The following SLC5A1 variants were observed in gnomAD, a reference collection of about 807,000 sequenced individuals.
The protein encoded by SLC5A1 is sodium/glucose cotransporter 1.
In SLC5A1, 42 loss-of-function variants were observed where a neutral mutation model predicts 73.5. The observed-to-expected ratio is 0.57, with a 90% confidence interval of 0.45 to 0.74. The LOEUF (loss-of-function observed/expected upper bound fraction) is 0.74. Ranked by LOEUF, SLC5A1 falls within the 30% of genes least tolerant of loss-of-function variation. The pLI is 0.00. For missense variants in SLC5A1, 634 were observed against 855.4 expected (o/e 0.74, Z 3.23); for synonymous variants, 300 against 317.4 (o/e 0.95, Z 0.58).
At chr22:32,108,702 C>A (rs2094050760) in intron 14 of SLC5A1, among the ~76,000 whole-genome samples, 1 of 152,054 alleles carries the variant, frequency 6.6e-6, no homozygotes, top group Admixed American at 6.5e-5. Flanking sequence ...CTCATTAAAT[C>A]ATTAAATTCT....
chr22:32,091,147 T>C (rs2094016556), intron 10 of SLC5A1, among the ~76,000 whole-genome samples: 2 of 148,054 alleles, frequency 1.4e-5, no homozygotes, highest in African/African-American at 4.9e-5. Flanking sequence ...AGATACATGA[T>C]TTGCACGTAT....
At chr22:32,046,635 A>G (rs759736651) in intron 1 of SLC5A1, among the ~76,000 whole-genome samples, 22 of 152,178 alleles carry the variant, frequency 1.4e-4, no homozygotes, top group Non-Finnish European at 2.5e-4. Flanking sequence ...ATTTCAGAAG[A>G]CAACAGGCCA....
chr22:32,091,819 G>T, intron 11 of SLC5A1, 57 bp downstream of exon 11: 1 of 1,582,204 alleles, frequency 6.3e-7, no homozygotes, highest in South Asian at 1.1e-5. Context: ...GGTTCCATCT[G>T]TGTTACCCCT....
At chr22:32,066,796 T>C (rs571874418) in intron 2 of SLC5A1, 139 bp from the exon 3 acceptor site, 12 of 689,492 alleles carry the variant, frequency 1.7e-5, no homozygotes, top group Non-Finnish European at 2.4e-5. Context: ...TCCCTGATGA[T>C]TCCAGCACAG....
At chr22:32,068,452 C>G in intron 4 of SLC5A1, 44 bp from the exon 5 acceptor site, 1 of 1,184,764 alleles carries the variant, frequency 8.4e-7, no homozygotes, top group Non-Finnish European at 1.3e-6. Context: ...TCTGGGCCCT[C>G]TGGTCACTGT....
At chr22:32,108,132 A>T (rs2094049678) in intron 14 of SLC5A1, among the ~76,000 whole-genome samples, 2 of 148,698 alleles carry the variant, frequency 1.3e-5, no homozygotes, top group Admixed American at 6.7e-5. Context: ...TTTGAGACAG[A>T]GTCTCACTCT....
chr22:32,043,782 T>G lies in SLC5A1; in HGVS notation c.135+366T>G, dbSNP rs1326389488. Among the ~76,000 whole-genome samples the G allele has an allele frequency of 6.6e-6, 1 of 152,150 alleles. No homozygotes were observed. The highest frequency in any genetic ancestry group is 2.4e-5 in the African/African-American group (1 of 41,426). On this transcript the variant is annotated intron_variant, in intron 1 of 14. Transcript: ENST00000266088. This position sits in a 1 kb window ranked among gnomAD's most constrained non-coding sequence, Gnocchi z 6.5. ...GGGAGATGAGCCTCTAGCAGGTGACTACTGTCCTACCTTTTAGTCATCCAG... is the reference window on the plus strand; with the variant it reads ...GGGAGATGAGCCTCTAGCAGGTGACGACTGTCCTACCTTTTAGTCATCCAG...
At chr22:32,049,091 A>AATAAAT (rs1380841063) in intron 1 of SLC5A1, among the ~76,000 whole-genome samples, 58 of 129,022 alleles carry the variant, frequency 4.5e-4, no homozygotes, top group South Asian at 1.0e-3. Flanking sequence ...TAAATAAATA[A>AATAAAT]ATATATATAT....
chr22:32,068,336 G>C (rs2093977502), intron 4 of SLC5A1, among the ~76,000 whole-genome samples, 160 bp from the exon 5 acceptor site: 1 of 152,170 alleles, frequency 6.6e-6, no homozygotes, highest in South Asian at 2.1e-4. Flanking sequence ...CTGGAGGTCA[G>C]GGGCCATCTG....
chr22:32,099,409 G>T, intron 12 of SLC5A1, 58 bp downstream of exon 12: 1 of 1,463,084 alleles, frequency 6.8e-7, no homozygotes. Context: ...TTTCCATGTG[G>T]GTTTGCATAT....
chr22:32,066,966 G>C lies in SLC5A1; in HGVS notation c.239G>C (p.Gly80Ala). The change falls in exon 3 of 15, where the codon GGA (glycine) becomes GCA (alanine). Residue 80 changes from glycine (G) to alanine (A), a missense_variant. Transcript: ENST00000266088. Reference protein sequence around the residue: ...IGASLFASNIGSGHFVGLAGT... With the variant: ...IGASLFASNIASGHFVGLAGT... ...GCCTCCCTCTTTGCTAGTAACATTGGAAGTGGCCACTTTGTGGGGCTGGCC... is the reference window on the plus strand; with the variant it reads ...GCCTCCCTCTTTGCTAGTAACATTGCAAGTGGCCACTTTGTGGGGCTGGCC... The C allele has an allele frequency of 2.5e-6, 4 of 1,613,772 alleles. No homozygotes were observed. The highest frequency in any genetic ancestry group is 1.3e-5 in the African/African-American group (1 of 75,036).
intron 6 of SLC5A1, among the ~76,000 whole-genome samples, chr22:32,082,862 C>T (rs1016323625): frequency 6.6e-6 from 1 of 152,312 alleles, no homozygotes; most frequent in African/African-American, 2.4e-5. Context: ...GAGAAACATT[C>T]GCCACTTCTA....
chr22:32,096,923 C>G (rs763569059), intron 11 of SLC5A1, among the ~76,000 whole-genome samples: 30 of 152,170 alleles, frequency 2.0e-4, no homozygotes, highest in Non-Finnish European at 3.5e-4. Flanking sequence ...TGACAAGATA[C>G]CTGGCACCCA....
rs1203557575 is a variant in SLC5A1, at chr22:32,050,007, G to C, written c.200G>C (p.Trp67Ser). ...TTCCTGGCAGGCCGAAGTATGGTGT[G>C]GTGGCCGGTAAGTTTTCTCTGAAAT... ...GFFLAGRSMV[W>S]WPIGASLFAS... is the part of the protein sequence containing the mutation. Residue 67 changes from tryptophan (W) to serine (S), a missense_variant, in exon 2 of 15, where the codon TGG becomes TCG. This residue lies in a region of SLC5A1 where 422 missense variants were observed against 626.1 expected (regional missense o/e 0.67). Transcript: ENST00000266088. The C allele has an allele frequency of 6.2e-7, 1 of 1,613,756 alleles. No homozygotes were observed. Among genetic ancestry groups the C allele is most frequent in the Admixed American group, 1.7e-5 (1 of 60,028 alleles).
intron 9 of SLC5A1, among the ~76,000 whole-genome samples, chr22:32,085,453 C>G (rs2094006550): frequency 6.6e-6 from 1 of 151,888 alleles, no homozygotes; most frequent in South Asian, 2.1e-4. Flanking sequence ...TGGTCATATC[C>G]AAGCATTATT....
At chr22:32,104,724 C>T in intron 13 of SLC5A1, 62 bp from the exon 14 acceptor site, 4 of 1,349,108 alleles carry the variant, frequency 3.0e-6, no homozygotes. Flanking sequence ...TTTGCCCCCC[C>T]AACTTCTTGT....
Position 32,110,315 on chromosome 22 carries a change from G to T in SLC5A1, c.*102G>T. 1 of 909,482 alleles carries T rather than the reference G, an allele frequency of 1.1e-6. No homozygotes were observed. Among genetic ancestry groups the T allele is most frequent in the Non-Finnish European group, 1.8e-6 (1 of 554,606 alleles). 56.3% of individuals were successfully genotyped at this position (909,482 alleles called of 1,614,324 possible). ...GGGAAATCAGCCAGTTGTAAATTTTGCCCAGGTGGATAAATGTGTACATGT... is the reference window on the plus strand; with the variant it reads ...GGGAAATCAGCCAGTTGTAAATTTTTCCCAGGTGGATAAATGTGTACATGT... On this transcript the variant is annotated 3_prime_UTR_variant, in exon 15 of 15. Coordinates refer to ENST00000266088, the MANE Select transcript of SLC5A1 (RefSeq NM_000343.4).
chr22:32,101,178 G>A (rs565477092), intron 12 of SLC5A1, among the ~76,000 whole-genome samples: 8 of 152,300 alleles, frequency 5.3e-5, no homozygotes, highest in Non-Finnish European at 1.0e-4. Flanking sequence ...CAAAGAGGCT[G>A]ACCAGCACCT....
chr22:32,110,063 C>G lies in SLC5A1; in HGVS notation c.1845C>G (p.His615Gln), dbSNP rs33954001. ...ACCTATTTTGTGGGCTAGAGCAGCA[C>G]GGTGCACCCAAGATGACTGAGGAAG... Reference protein sequence around the residue: ...AYDLFCGLEQHGAPKMTEEEE... With the variant: ...AYDLFCGLEQQGAPKMTEEEE... The change falls in exon 15 of 15, where the codon CAC becomes CAG. Residue 615 changes from histidine (H) to glutamine (Q), a missense_variant. His to Gln is a conservative substitution (Grantham distance 24). Transcript: ENST00000266088. 0.065 allele frequency: 105,621 copies of G among 1,613,006 alleles called. 3,936 individuals are homozygous for G. Among genetic ancestry groups the G allele is most frequent in the Non-Finnish European group, 0.077 (90,323 of 1,178,998 alleles).
Sources: gnomAD v4.1 joint callset for allele counts (sites outside exome capture counted in the v4.1 genomes callset) on GRCh38, gnomAD v4.1.1 for gene constraint, gnomAD v4.1.1 regional missense constraint, Gnocchi (gnomAD v3.1) non-coding constraint, MANE v1.5 for transcripts, NCBI Gene and HGNC (gene_info 2026-07-23, HGNC 2026-07-21) for gene names.